TIAM2: variants seen among roughly 807,000 people sequenced by gnomAD.
TIAM2 encodes TIAM Rac1 associated GEF 2.
In TIAM2, 80 loss-of-function variants were observed where a neutral mutation model predicts 152.9. The ratio of observed to expected loss-of-function variants is 0.52; its 90% confidence interval spans 0.44 to 0.63. The LOEUF is 0.63. Ranked by LOEUF, TIAM2 falls within the 30% of genes least tolerant of loss-of-function variation. The pLI, the probability that TIAM2 is intolerant of heterozygous loss-of-function variation, is 0.00. For synonymous variants in TIAM2, 804 were observed against 838.0 expected (o/e 0.96, Z 0.70); for missense variants, 1,965 against 2,120.1 (o/e 0.93, Z 1.44).
chr6:155,005,262 G>T, intron 1 of TIAM2: 1 of 226,072 alleles, frequency 4.4e-6, no homozygotes. Context: ...AGCAGGCCAG[G>T]CATCCTGAGT....
Position 155,118,093 on chromosome 6 carries a change from T to C in TIAM2, c.-117-9397T>C, listed in dbSNP as rs1260131589. Among the ~76,000 whole-genome samples, 5 of 152,276 alleles carry C rather than the reference T, an allele frequency of 3.3e-5. No individual in the cohort carries two copies. In the East Asian group the frequency reaches 9.7e-4, roughly 29 times the overall value. On this transcript the variant is annotated intron_variant, in intron 2 of 26. Transcript: ENST00000682666. ...TGTCCTGAGGTTGATGGTCGTGCCG[T>C]GGTGTTTCTGGGAACAGTGGGTAGG...
intron 1 of TIAM2, among the ~76,000 whole-genome samples, chr6:155,028,488 T>TATA (rs1464738920): frequency 7.5e-6 from 1 of 133,436 alleles, no homozygotes; most frequent in Non-Finnish European, 1.6e-5. Context: ...ATATACTACA[T>TATA]ATATATACTG....
intron 9 of TIAM2, among the ~76,000 whole-genome samples, chr6:155,173,882 G>A (rs888144938): frequency 6.6e-6 from 1 of 152,194 alleles, no homozygotes; most frequent in African/African-American, 2.4e-5. Context: ...TAAGACAGGG[G>A]CATTTTAAAC....
chr6:155,081,686 G>A (rs1052700377), intron 1 of TIAM2, among the ~76,000 whole-genome samples: 12 of 152,198 alleles, frequency 7.9e-5, no homozygotes, highest in East Asian at 1.9e-4. Context: ...CTCAGCCTCC[G>A]TGAAAGGTTT....
At chr6:155,199,777 C>T (rs1311476148) in intron 14 of TIAM2, among the ~76,000 whole-genome samples, 1 of 152,146 alleles carries the variant, frequency 6.6e-6, no homozygotes, top group African/African-American at 2.4e-5. Flanking sequence ...GTCTTGACTG[C>T]GGTAGAGAAC....
chr6:155,256,809 C>A lies in TIAM2; in HGVS notation c.4794C>A (p.Ser1598=), dbSNP rs377289785. Residue 1598 remains serine, a synonymous_variant, in exon 27 of 27, where the codon TCC becomes TCA. Transcript: ENST00000682666. ...IEIQFQRLRI[S]EDPDVHPEAE... is the part of the protein sequence containing the mutation. ...TTCAGTTCCAGAGACTGAGGATTTC[C>A]GAGGACCCAGACGTTCACCCCGAGG... 1 of 1,614,146 alleles carries A rather than the reference C, an allele frequency of 6.2e-7. No individual in the cohort carries two copies. The highest frequency in any genetic ancestry group is 1.3e-5 in the African/African-American group (1 of 75,016).
intron 1 of TIAM2, among the ~76,000 whole-genome samples, chr6:155,060,294 C>T (rs985035087): frequency 2.0e-5 from 3 of 151,978 alleles, no homozygotes; most frequent in Middle Eastern, 6.4e-3. Context: ...TCCAGCTACT[C>T]AGGAGGCTGA....
chr6:155,210,952 T>C (rs1781703750), intron 14 of TIAM2, among the ~76,000 whole-genome samples: 1 of 152,128 alleles, frequency 6.6e-6, no homozygotes, highest in Admixed American at 6.5e-5. Flanking sequence ...GACAAGGTAT[T>C]TAGGTCATTA....
intron 1 of TIAM2, among the ~76,000 whole-genome samples, chr6:155,066,741 T>C (rs968904839): frequency 1.7e-4 from 26 of 152,034 alleles, no homozygotes; most frequent in Admixed American, 1.6e-3. Flanking sequence ...AAAGATTTGT[T>C]GATTACAAGT....
Position 155,164,568 on chromosome 6 carries a change from G to A in TIAM2, c.2182G>A (p.Gly728Ser), listed in dbSNP as rs1780370140. ...RPSKLALGRL[G>S]ILSVSSFHAL... The stretch of plus-strand genomic sequence containing the variant: ...CTCCAAGCTGGCCCTCGGCAGGCTG[G>A]GCATCTTGTCTGTTTCCTCTTTCCA... Residue 728 changes from glycine to serine, a missense_variant, in exon 8 of 27, where the codon GGC becomes AGC. By Grantham distance (56) the Gly-to-Ser change is moderately conservative. Coordinates refer to ENST00000682666, the MANE Select transcript of TIAM2 (RefSeq NM_012454.4). 1.2e-6 allele frequency: 2 copies of A among 1,613,646 alleles called. No homozygotes were observed. The highest frequency in any genetic ancestry group is 1.1e-5 in the South Asian group (1 of 91,072).
At chr6:155,245,587 C>A in intron 18 of TIAM2, 36 bp from the exon 19 acceptor site, 1 of 1,546,878 alleles carries the variant, frequency 6.5e-7, no homozygotes, top group Non-Finnish European at 8.9e-7. Flanking sequence ...ATTGATTAAA[C>A]CATGTCTGAT....
At chr6:155,155,337 C>T (rs1780079369) in intron 7 of TIAM2, among the ~76,000 whole-genome samples, 1 of 152,012 alleles carries the variant, frequency 6.6e-6, no homozygotes, top group East Asian at 1.9e-4. Flanking sequence ...CCACTACGTC[C>T]TGGTAATTTT....
intron 1 of TIAM2, among the ~76,000 whole-genome samples, chr6:155,046,074 C>T (rs796843924): frequency 3.3e-5 from 5 of 151,810 alleles, no homozygotes; most frequent in African/African-American, 9.7e-5. Flanking sequence ...CCTTTAACTC[C>T]GAGTTTGACA....
At chr6:155,210,122 T>G (rs750416585) in intron 14 of TIAM2, among the ~76,000 whole-genome samples, 9 of 152,220 alleles carry the variant, frequency 5.9e-5, no homozygotes, top group Non-Finnish European at 1.3e-4. Context: ...AGGCTGGTCT[T>G]TCTGTCTCTA....
chr6:155,109,132 C>T (rs1220851617), intron 2 of TIAM2, among the ~76,000 whole-genome samples: 15 of 152,012 alleles, frequency 9.9e-5, no homozygotes, highest in African/African-American at 3.6e-4. Context: ...TACAGGCGCC[C>T]ACCACCACAC....
chr6:154,997,300 G>A (rs944172066), intron 1 of TIAM2, among the ~76,000 whole-genome samples: 1 of 152,120 alleles, frequency 6.6e-6, no homozygotes, highest in Non-Finnish European at 1.5e-5. Flanking sequence ...TCCTCCTCCA[G>A]TAGTCAGTGC....
At chr6:155,191,796 TA>T (rs1781211171) in intron 14 of TIAM2, among the ~76,000 whole-genome samples, 2 of 138,526 alleles carry the variant, frequency 1.4e-5, no homozygotes, top group African/African-American at 2.8e-5. Flanking sequence ...CTCTGTCTCA[TA>T]AAAAACAACA....
chr6:155,134,934 T>TGACCTCATGATCTGCCC (rs1466948842), intron 4 of TIAM2, among the ~76,000 whole-genome samples: 1 of 152,140 alleles, frequency 6.6e-6, no homozygotes, highest in Non-Finnish European at 1.5e-5. Context: ...CTCGATCTCC[T>TGACCTCATGATCTGCCC]GACCTCATGA....
At chr6:155,111,420 G>C (rs1778846745) in intron 2 of TIAM2, among the ~76,000 whole-genome samples, 1 of 151,590 alleles carries the variant, frequency 6.6e-6, no homozygotes, top group Non-Finnish European at 1.5e-5. Context: ...ACAATAACAA[G>C]CCCCCTGAAA....
Sources: gnomAD v4.1 joint callset for allele counts (sites outside exome capture counted in the v4.1 genomes callset) on GRCh38, gnomAD v4.1.1 for gene constraint, MANE v1.5 for transcripts, NCBI Gene and HGNC (gene_info 2026-07-23, HGNC 2026-07-21) for gene names.